CHST3: variants seen among roughly 807,000 people sequenced by gnomAD.
The protein encoded by CHST3 is carbohydrate sulfotransferase 3.
Under a neutral mutation model 35.4 loss-of-function variants are expected in CHST3, and 20 were observed. The ratio of observed to expected loss-of-function variants is 0.57; its 90% CI spans 0.40 to 0.82. The LOEUF is 0.82. Ranked by LOEUF, CHST3 falls within the 40% of genes least tolerant of loss-of-function variation. The pLI is 0.00. For missense variants in CHST3, 693 were observed against 670.1 expected, an observed-to-expected ratio of 1.03 and a Z score of -0.38; for synonymous variants, 334 against 295.9, an observed-to-expected ratio of 1.13 and a Z score of -1.32.
intron 1 of CHST3, among the ~76,000 whole-genome samples, chr10:71,967,403 C>T (rs999575705): frequency 6.6e-6 from 1 of 152,202 alleles, no homozygotes; most frequent in Admixed American, 6.5e-5. Flanking sequence ...TTAGCTCCCA[C>T]TTCTAAGTGA....
intron 1 of CHST3, among the ~76,000 whole-genome samples, chr10:71,970,194 C>T (rs1210142909): frequency 6.6e-6 from 1 of 152,110 alleles, no homozygotes. Flanking sequence ...GCCCCGGGAG[C>T]CCCTGACCAC....
intron 1 of CHST3, among the ~76,000 whole-genome samples, chr10:71,970,031 G>A (rs965126850): frequency 2.6e-5 from 4 of 152,216 alleles, no homozygotes; most frequent in Admixed American, 2.0e-4. Context: ...TACCCTGAGC[G>A]CGTGGACTCC....
At chr10:71,970,453 A>G (rs890505155) in intron 1 of CHST3, among the ~76,000 whole-genome samples, 1 of 151,976 alleles carries the variant, frequency 6.6e-6, no homozygotes, top group Non-Finnish European at 1.5e-5. Context: ...CCAGCCCGGG[A>G]TGTTCTTATT....
At chr10:71,967,274 GAC>G (rs1035265694) in intron 1 of CHST3, among the ~76,000 whole-genome samples, 1 of 152,160 alleles carries the variant, frequency 6.6e-6, no homozygotes, top group South Asian at 2.1e-4. Context: ...TTACAGGTCT[GAC>G]ACACTGCACA....
At chr10:71,988,372 C>A (rs1839869111) in intron 1 of CHST3, among the ~76,000 whole-genome samples, 1 of 152,280 alleles carries the variant, frequency 6.6e-6, no homozygotes, top group East Asian at 1.9e-4. Flanking sequence ...GAATTGTAAT[C>A]CCCAATGCTG....
At chr10:71,987,549 A>C (rs1839859901) in intron 1 of CHST3, among the ~76,000 whole-genome samples, 1 of 152,000 alleles carries the variant, frequency 6.6e-6, no homozygotes, top group Non-Finnish European at 1.5e-5. Flanking sequence ...CCCTGTCTGT[A>C]CTAAAAATAC....
At chr10:71,970,441 G>A (rs556013902) in intron 1 of CHST3, among the ~76,000 whole-genome samples, 1 of 152,302 alleles carries the variant, frequency 6.6e-6, no homozygotes, top group South Asian at 2.1e-4. Context: ...CCACCTCGGA[G>A]GCCAGCCCGG....
intron 1 of CHST3, among the ~76,000 whole-genome samples, chr10:71,990,180 T>C (rs1457148002): frequency 6.6e-6 from 1 of 152,096 alleles, no homozygotes; most frequent in East Asian, 1.9e-4. Flanking sequence ...ACAAATACCA[T>C]ACACTGAGAA....
intron 1 of CHST3, among the ~76,000 whole-genome samples, chr10:71,989,671 C>G (rs1039482505): frequency 1.3e-5 from 2 of 152,144 alleles, no homozygotes; most frequent in African/African-American, 4.8e-5. Context: ...ATTTTAGTAA[C>G]ATGGTAACAA....
intron 1 of CHST3, among the ~76,000 whole-genome samples, chr10:71,976,539 G>A (rs893126565): frequency 5.9e-5 from 9 of 152,272 alleles, no homozygotes; most frequent in African/African-American, 1.9e-4. Context: ...CAGGCTTCAG[G>A]GGTGGCCATT....
chr10:71,990,114 T>C (rs1364646817), intron 1 of CHST3, among the ~76,000 whole-genome samples: 1 of 152,216 alleles, frequency 6.6e-6, no homozygotes, highest in African/African-American at 2.4e-5. Flanking sequence ...GATTAGTTCC[T>C]AGAAGTGGAA....
In CHST3 at chr10:72,008,352, C is replaced by G. The variant is rs1352481336; in HGVS notation, c.1321C>G (p.Gln441Glu). The G allele has an allele frequency of 6.4e-7, 1 of 1,566,924 alleles. No homozygotes were observed. The highest frequency in any genetic ancestry group is 8.6e-7 in the Non-Finnish European group (1 of 1,156,522). The change falls in exon 3 of 3, where the codon CAG becomes GAG. Residue 441 changes from glutamine to glutamate, a missense_variant. Coordinates refer to ENST00000373115, the MANE Select transcript of CHST3 (RefSeq NM_004273.5). Reference protein sequence around the residue: ...SMPFKLAQVVQAACGPAMRLF... With the variant: ...SMPFKLAQVVEAACGPAMRLF... ...GCCCTTCAAGCTGGCCCAGGTGGTG[C>G]AGGCCGCCTGCGGCCCTGCCATGCG... is the stretch of plus-strand genomic sequence containing the variant.
chr10:71,985,100 G>A (rs930503797), intron 1 of CHST3, among the ~76,000 whole-genome samples: 2 of 152,238 alleles, frequency 1.3e-5, no homozygotes, highest in African/African-American at 4.8e-5. Context: ...TAACCCAGAT[G>A]TCCCAAGCCT....
At chr10:71,981,972 A>T (rs1037727766) in intron 1 of CHST3, among the ~76,000 whole-genome samples, 14 of 152,228 alleles carry the variant, frequency 9.2e-5, no homozygotes, top group African/African-American at 3.1e-4. Flanking sequence ...ACTGGCCTCC[A>T]GTCTGTCAGA....
chr10:71,971,141 T>C (rs1420340052), intron 1 of CHST3, among the ~76,000 whole-genome samples: 1 of 152,136 alleles, frequency 6.6e-6, no homozygotes. Context: ...GTCCTCACCT[T>C]GCATCCAGGG....
In CHST3 at chr10:72,012,760, T is replaced by C. The variant is rs1840124548; in HGVS notation, c.*4289T>C. The C allele has an allele frequency of 1.3e-5, 2 of 152,366 alleles. No individual in the cohort carries two copies. Among genetic ancestry groups the C allele is most frequent in the Non-Finnish European group, 2.9e-5 (2 of 68,172 alleles). 9.4% of individuals were successfully genotyped at this position (152,366 alleles called of 1,614,324 possible). A position where few individuals can be genotyped will look rare whatever the true frequency, so the allele number is the denominator to read the frequency against. On this transcript the variant is annotated 3_prime_UTR_variant, in exon 3 of 3. Transcript: ENST00000373115. The stretch of plus-strand genomic sequence containing the variant: ...TTGGTGGGTTTGCTTGTGAAGCTTC[T>C]AGGACAAGGCGCAGCCAGATGGAAG...
chr10:72,012,068 A>T lies in CHST3; in HGVS notation c.*3597A>T, dbSNP rs974666065. On this transcript the variant is annotated 3_prime_UTR_variant, in exon 3 of 3. Coordinates refer to ENST00000373115, the MANE Select transcript of CHST3 (RefSeq NM_004273.5). ...GCACTTGAAAATAAACAGAAAAGAG[A>T]TGTTTAATAACAAGTTTACTTCCGG... 2 of 152,188 alleles carry T rather than the reference A, an allele frequency of 1.3e-5. No individual in the cohort carries two copies. The highest frequency in any genetic ancestry group is 2.9e-5 in the Non-Finnish European group (2 of 68,028). 9.4% of individuals were successfully genotyped at this position (152,188 alleles called of 1,614,324 possible). A position where few individuals can be genotyped will look rare whatever the true frequency, so the allele number is the denominator to read the frequency against.
rs531087608 is a variant in CHST3 at position 72,008,179 on chromosome 10, G to A, written c.1148G>A (p.Arg383His). ...DVARGPLQKAREMYRFAGIPL... is the reference protein window; with the variant it reads ...DVARGPLQKAHEMYRFAGIPL... ...GCACGCGGGCCGCTGCAGAAGGCCC[G>A]CGAGATGTACCGCTTCGCCGGCATC... Residue 383 changes from arginine to histidine, a missense_variant, in exon 3 of 3, where the codon CGC becomes CAC. By Grantham distance (29) the Arg-to-His change is conservative. Transcript: ENST00000373115. 8 of 1,549,338 alleles carry A rather than the reference G, an allele frequency of 5.2e-6. No homozygotes were observed. The East Asian group carries it at 1.7e-4, about 33-fold the overall frequency.
chr10:71,977,106 G>T (rs1456928134), intron 1 of CHST3, among the ~76,000 whole-genome samples: 1 of 152,210 alleles, frequency 6.6e-6, no homozygotes, highest in Non-Finnish European at 1.5e-5. Flanking sequence ...GCCCCCTGCA[G>T]CGTCCAGCTC....
Sources: gnomAD v4.1 joint callset for allele counts (sites outside exome capture counted in the v4.1 genomes callset) on GRCh38, gnomAD v4.1.1 for gene constraint, MANE v1.5 for transcripts, NCBI Gene and HGNC (gene_info 2026-07-23, HGNC 2026-07-21) for gene names.